The following GRSF1 variants were observed in gnomAD, a reference collection of about 807,000 sequenced individuals.
GRSF1 encodes the protein G-rich sequence factor 1.
A neutral mutation model predicts 51.1 loss-of-function variants in GRSF1; 50 were observed. That is an observed-to-expected ratio of 0.98 (90% CI 0.78 to 1.24). The LOEUF (loss-of-function observed/expected upper bound fraction) is 1.24. Among genes scored for constraint, GRSF1 ranks in the 50% most tolerant of loss-of-function variants. The pLI, the probability that GRSF1 is intolerant of heterozygous loss-of-function variation, is 0.00. For missense variants in GRSF1, 700 were observed against 639.7 expected, an observed-to-expected ratio of 1.09 and a Z score of -1.02; for synonymous variants, 293 against 253.3, an observed-to-expected ratio of 1.16 and a Z score of -1.49.
intron 5 of GRSF1, 68 bp downstream of exon 5, chr4:70,831,471 T>C (rs1733963385): frequency 2.9e-6 from 4 of 1,390,862 alleles, no homozygotes; most frequent in African/African-American, 2.8e-5. Context: ...TTCAGTCATA[T>C]TACAGCACAT....
chr4:70,826,345 C>A, intron 6 of GRSF1, 100 bp from the exon 7 acceptor site: 1 of 1,006,750 alleles, frequency 9.9e-7, no homozygotes, highest in South Asian at 1.8e-5. Context: ...TCCTCAATTC[C>A]TCTTAAGAGC....
chr4:70,834,359 T>C lies in GRSF1; in HGVS notation c.515-1086A>G, dbSNP rs77006374. 3.1e-3 allele frequency among the ~76,000 whole-genome samples: 476 copies of C among 152,306 alleles called. 4 individuals carry two copies. Among genetic ancestry groups the C allele is most frequent in the African/African-American group, 0.011 (459 of 41,566 alleles). ...CAAACATGTTATTAAGGGAACTTTATTCCTTGATACTAAGTGACCTTCTAT... is the reference window on the plus strand; with the variant it reads ...CAAACATGTTATTAAGGGAACTTTACTCCTTGATACTAAGTGACCTTCTAT... On this transcript the variant is annotated intron_variant, in intron 2 of 9. Coordinates refer to ENST00000254799, the MANE Select transcript of GRSF1 (RefSeq NM_002092.4).
chr4:70,829,520 G>A (rs541524440), intron 5 of GRSF1, among the ~76,000 whole-genome samples: 247 of 152,158 alleles, frequency 1.6e-3, no homozygotes, highest in African/African-American at 5.8e-3. Flanking sequence ...TGGGTGTGGT[G>A]GCATGTATCT....
At chr4:70,839,322 C>A in intron 1 of GRSF1, 149 bp downstream of exon 1, 1 of 1,503,214 alleles carries the variant, frequency 6.7e-7, no homozygotes, top group Non-Finnish European at 8.9e-7. Context: ...CCAATAGGAG[C>A]ACAGGGTGGA....
rs1361745441 is a variant in GRSF1, at chr4:70,823,974, CTCT to C, written c.*25+317_*25+319del. Among the ~76,000 whole-genome samples the C allele has an allele frequency of 2.2e-4, 22 of 100,960 alleles. 1 individual carries two copies. The highest frequency in any genetic ancestry group is 7.1e-4 in the South Asian group (2 of 2,804). The allele number at this position is 100,960 out of a possible 152,430, so 66.2% of individuals were successfully genotyped here. On this transcript the variant is annotated intron_variant, in intron 9 of 9. Transcript: ENST00000254799. ...AAATAATTTCCACAGTTGTATCTCT[CTCT>C]TTTTTTTTTTTTTTTTTGAGTCTCG... is the stretch of plus-strand genomic sequence containing the variant.
chr4:70,830,609 G>A (rs553259636), intron 5 of GRSF1, among the ~76,000 whole-genome samples: 79 of 151,996 alleles, frequency 5.2e-4, no homozygotes, highest in African/African-American at 1.7e-3. Flanking sequence ...ACTTGAGTCC[G>A]GGAGTTCTAG....
chr4:70,822,403 T>G (rs1733553953), intron 9 of GRSF1, among the ~76,000 whole-genome samples: 1 of 151,676 alleles, frequency 6.6e-6, no homozygotes, highest in South Asian at 2.1e-4. Flanking sequence ...GCCAACATGG[T>G]GAAACCCCGT....
rs1335905020 is a variant in GRSF1 at position 70,831,751 on chromosome 4, TA to T, written c.815-78del. 5.4e-6 allele frequency: 7 copies of T among 1,298,728 alleles called. No individual in the cohort carries two copies. The African/African-American group carries it at 1.1e-4, about 20-fold the overall frequency. 80.5% of individuals were successfully genotyped at this position (1,298,728 alleles called of 1,614,324 possible). Reference sequence around the variant, plus strand: ...ATTAACACCATCATTCACATACTAATAAAATTTTTATTCTGTTTTGCCAGTC... The same window carrying T: ...ATTAACACCATCATTCACATACTAATAAATTTTTATTCTGTTTTGCCAGTC... On this transcript the variant is annotated intron_variant, in intron 4 of 9. Coordinates refer to ENST00000254799, the MANE Select transcript of GRSF1 (RefSeq NM_002092.4).
At chr4:70,835,910 C>T (rs937686221) in intron 2 of GRSF1, among the ~76,000 whole-genome samples, 2 of 152,160 alleles carry the variant, frequency 1.3e-5, no homozygotes, top group Admixed American at 6.5e-5. Flanking sequence ...TGAGCCACTG[C>T]CCCTGGCCCA....
At chr4:70,843,158 G>C (rs1242945269), upstream of GRSF1, among the ~76,000 whole-genome samples, 1 of 152,200 alleles carries the variant, frequency 6.6e-6, no homozygotes, top group Non-Finnish European at 1.5e-5. Context: ...AAACCAAAAT[G>C]CAGTTACTCA....
At chr4:70,828,429 C>T (rs1011332207) in intron 5 of GRSF1, among the ~76,000 whole-genome samples, 3 of 152,152 alleles carry the variant, frequency 2.0e-5, no homozygotes, top group Admixed American at 6.5e-5. Context: ...TTAATCATAT[C>T]TGTATAAGAT....
chr4:70,833,558 T>A (rs1481432269), intron 2 of GRSF1, among the ~76,000 whole-genome samples: 2 of 152,238 alleles, frequency 1.3e-5, no homozygotes, highest in Non-Finnish European at 2.9e-5. Context: ...TTATTTCTAT[T>A]GCAATGTTTC....
rs747756465 is a variant in GRSF1, at chr4:70,826,179, T to C, written c.1202A>G (p.His401Arg). 2 of 1,611,530 alleles carry C rather than the reference T, an allele frequency of 1.2e-6. No individual in the cohort carries two copies. Among genetic ancestry groups the C allele is most frequent in the South Asian group, 2.2e-5 (2 of 90,862 alleles). Residue 401 changes from histidine to arginine, a missense_variant, in exon 7 of 10, where the codon CAT becomes CGT. Physicochemically the swap from His to Arg is conservative, Grantham distance 29 (BLOSUM62 0). Coordinates refer to ENST00000254799, the MANE Select transcript of GRSF1 (RefSeq NM_002092.4). Reference sequence around the variant, plus strand: ...AGGTAATCCTCTCATGTGGACAAAATGCAGAGAAGACGTAGTTCCAAAATC... The same window carrying C: ...AGGTAATCCTCTCATGTGGACAAAACGCAGAGAAGACGTAGTTCCAAAATC... ...AADFGTTSSL[H>R]FVHMRGLPFQ...
intron 2 of GRSF1, among the ~76,000 whole-genome samples, chr4:70,834,343 T>C (rs1734107593): frequency 6.6e-6 from 1 of 152,284 alleles, no homozygotes; most frequent in Non-Finnish European, 1.5e-5. Context: ...CCAAACATGT[T>C]ATTAAGGGAA....
chr4:70,837,810 G>C (rs900860208), intron 1 of GRSF1, among the ~76,000 whole-genome samples: 3 of 149,284 alleles, frequency 2.0e-5, no homozygotes, highest in Admixed American at 2.0e-4. Context: ...TAATTTTTTT[G>C]CATTTTTTTA....
chr4:70,839,669 G>T lies in GRSF1; in HGVS notation c.159C>A (p.Leu53=). The T allele has an allele frequency of 7.0e-7, 1 of 1,425,492 alleles. No individual in the cohort carries two copies. The highest frequency in any genetic ancestry group is 9.1e-7 in the Non-Finnish European group (1 of 1,101,530). 88.3% of individuals were successfully genotyped at this position (1,425,492 alleles called of 1,614,324 possible). Residue 53 remains leucine, a synonymous_variant, in exon 1 of 10, where the codon CTC becomes CTA. Transcript: ENST00000254799. The stretch of plus-strand genomic sequence containing the variant: ...GGGAGGCAGCGGCCGCGGCGGCCCC[G>T]AGCAGCAGCAGCAGGCGGCGGCGGC... The part of the protein sequence containing the change: ...VSGRRRLLLL[L]GAAAAAASQT...
chr4:70,822,151 G>A (rs1733540969), intron 9 of GRSF1, among the ~76,000 whole-genome samples: 1 of 151,972 alleles, frequency 6.6e-6, no homozygotes, highest in African/African-American at 2.4e-5. Flanking sequence ...AATCTCACGG[G>A]TAGGTTAACA....
At chr4:70,839,024 G>T in intron 1 of GRSF1, 1 of 736,216 alleles carries the variant, frequency 1.4e-6, no homozygotes, top group Non-Finnish European at 1.9e-6. Flanking sequence ...AGCAGCGGCC[G>T]ACCGAGAGGC....
Position 70,832,333 on chromosome 4 carries a change from T to G in GRSF1, c.788A>C (p.Glu263Ala). 6.2e-7 allele frequency: 1 copy of G among 1,613,690 alleles called. No homozygotes were observed. The highest frequency in any genetic ancestry group is 8.5e-7 in the Non-Finnish European group (1 of 1,179,654). The change falls in exon 4 of 10, where the codon GAG (glutamate) becomes GCG (alanine). Residue 263 changes from glutamate to alanine, a missense_variant. Glu to Ala is a moderately radical substitution (Grantham distance 107). Coordinates refer to ENST00000254799, the MANE Select transcript of GRSF1 (RefSeq NM_002092.4). ...RLRGLPYSCN[E>A]KDIVDFFAGL... ...TGCAAAGAAGTCTACAATGTCTTTC[T>G]CATTGCAACTATAAGGAAGTCCTCT...
Sources: allele counts gnomAD v4.1 joint callset (sites outside exome capture counted in the v4.1 genomes callset), GRCh38; gene constraint gnomAD v4.1.1; transcripts MANE v1.5; gene names NCBI Gene and HGNC (gene_info 2026-07-23, HGNC 2026-07-21).